The following SEPTIN7 variants were observed in gnomAD, a reference collection of about 807,000 sequenced individuals.
SEPTIN7 encodes the protein septin 7.
Under a neutral mutation model 63.3 loss-of-function variants are expected in SEPTIN7, and 10 were observed. The observed-to-expected ratio is 0.16, with a 90% CI of 0.10 to 0.27. The LOEUF (loss-of-function observed/expected upper bound fraction) is 0.27. SEPTIN7 is among the 10% of genes least tolerant of loss of function. SEPTIN7 has a pLI of 1.00. For missense variants in SEPTIN7, 310 were observed against 521.0 expected (o/e 0.59, Z 3.94); for synonymous variants, 131 against 165.3 (o/e 0.79, Z 1.59).
intron 4 of SEPTIN7, among the ~76,000 whole-genome samples, chr7:35,870,354 G>A (rs187898321): frequency 6.6e-6 from 1 of 152,082 alleles, no homozygotes; most frequent in South Asian, 2.1e-4. Context: ...TTGGTATACA[G>A]CATATTACTG....
At chr7:35,847,868 G>A (rs569835984) in intron 3 of SEPTIN7, 20 of 152,218 alleles carry the variant, frequency 1.3e-4, no homozygotes, top group African/African-American at 4.1e-4. Flanking sequence ...GAATCTATAG[G>A]TTATCTAATT....
chr7:35,855,900 A>G (rs953861431), intron 3 of SEPTIN7, among the ~76,000 whole-genome samples: 3 of 152,188 alleles, frequency 2.0e-5, no homozygotes, highest in Admixed American at 1.3e-4. Flanking sequence ...TGATTTATCC[A>G]TATCCAAAAG....
In SEPTIN7 at chr7:35,905,049, T is replaced by C. The variant is rs1788542191; in HGVS notation, c.*756T>C. 1 of 152,626 alleles carries C rather than the reference T, an allele frequency of 6.6e-6. No homozygotes were observed. The allele number at this position is 152,626 out of a possible 1,614,324, so 9.5% of individuals were successfully genotyped here. A position where few individuals can be genotyped will look rare whatever the true frequency, so the allele number is the denominator to read the frequency against. ...TAGGAACCAACAAGGAAACTTTCCTTTAACTCCCTTTTTACACTTTATGGT... is the reference window on the plus strand; with the variant it reads ...TAGGAACCAACAAGGAAACTTTCCTCTAACTCCCTTTTTACACTTTATGGT... On this transcript the variant is annotated 3_prime_UTR_variant, in exon 14 of 14. Coordinates refer to ENST00000350320, the MANE Select transcript of SEPTIN7 (RefSeq NM_001788.6).
At chr7:35,877,373 A>G (rs1459533186) in intron 6 of SEPTIN7, among the ~76,000 whole-genome samples, 1 of 152,180 alleles carries the variant, frequency 6.6e-6, no homozygotes, top group Non-Finnish European at 1.5e-5. Context: ...CTACTACAGT[A>G]AAGTATATAC....
chr7:35,837,839 C>T (rs1330861667), intron 3 of SEPTIN7, among the ~76,000 whole-genome samples: 2 of 152,138 alleles, frequency 1.3e-5, no homozygotes, highest in Non-Finnish European at 2.9e-5. Flanking sequence ...TCAGGCAGTT[C>T]TCCTGCTTCA....
intron 3 of SEPTIN7, among the ~76,000 whole-genome samples, chr7:35,843,880 G>A (rs544055707): frequency 6.6e-6 from 1 of 152,204 alleles, no homozygotes; most frequent in East Asian, 1.9e-4. Flanking sequence ...ATAAATACAA[G>A]GTAATTATGC....
Position 35,872,714 on chromosome 7 carries a change from C to T in SEPTIN7, c.325C>T (p.Leu109Phe). ...LIKEGGVQLL[L>F]TIVDTPGFGD... ...CAAAGAAGGTGGTGTTCAGTTGCTG[C>T]TCACAATAGTTGATACCCCAGGATT... Residue 109 changes from leucine to phenylalanine, a missense_variant, in exon 5 of 14, where the codon CTC becomes TTC. By Grantham distance (22) the Leu-to-Phe change is conservative (BLOSUM62 0). Transcript: ENST00000350320. 1 of 1,612,752 alleles carries T rather than the reference C, an allele frequency of 6.2e-7. No individual in the cohort carries two copies.
chr7:35,856,765 G>T (rs1452724862), intron 3 of SEPTIN7, among the ~76,000 whole-genome samples: 1 of 151,926 alleles, frequency 6.6e-6, no homozygotes, highest in African/African-American at 2.4e-5. Context: ...AGATGGTCTT[G>T]GTTACTTTCC....
chr7:35,908,863 G>A (rs2116422607), downstream of SEPTIN7, among the ~76,000 whole-genome samples: 1 of 152,314 alleles, frequency 6.6e-6, no homozygotes, highest in South Asian at 2.1e-4. Flanking sequence ...TTCTGGCAAA[G>A]GCATACAACT....
At chr7:35,880,218 C>CTTTTTTTTTT (rs1396218271) in intron 7 of SEPTIN7, among the ~76,000 whole-genome samples, 12 of 91,462 alleles carry the variant, frequency 1.3e-4, no homozygotes, top group South Asian at 6.7e-4. Flanking sequence ...CTTTTTTTTT[C>CTTTTTTTTTT]TTTTCTTTTT....
At chr7:35,882,354 C>T in intron 7 of SEPTIN7, 130 bp from the exon 8 acceptor site, 1 of 560,104 alleles carries the variant, frequency 1.8e-6, no homozygotes, top group South Asian at 6.7e-5. Context: ...TACAACTTTG[C>T]ATCATTAAAA....
intron 1 of SEPTIN7, among the ~76,000 whole-genome samples, chr7:35,804,643 A>G (rs1788205805): frequency 6.6e-6 from 1 of 152,192 alleles, no homozygotes; most frequent in Non-Finnish European, 1.5e-5. Flanking sequence ...TTTAAAAACT[A>G]CAGTTAGGCG....
intron 3 of SEPTIN7, among the ~76,000 whole-genome samples, chr7:35,833,420 TTGTG>T (rs1187593664): frequency 6.6e-6 from 1 of 152,014 alleles, no homozygotes; most frequent in Non-Finnish European, 1.5e-5. Context: ...GAGTTTTCTT[TTGTG>T]TGTTATTCCA....
chr7:35,845,531 GATTTAA>G (rs1784617596), intron 3 of SEPTIN7, among the ~76,000 whole-genome samples: 2 of 152,194 alleles, frequency 1.3e-5, no homozygotes, highest in Admixed American at 1.3e-4. Flanking sequence ...GTGAGAGTCA[GATTTAA>G]AAGATGGTTG....
intron 9 of SEPTIN7, among the ~76,000 whole-genome samples, chr7:35,885,020 G>C (rs757590385): frequency 6.9e-6 from 1 of 145,332 alleles, no homozygotes; most frequent in Non-Finnish European, 1.5e-5. Context: ...TTTGAACTTC[G>C]TTTTTTTTTT....
Position 35,863,623 on chromosome 7 carries a change from C to G in SEPTIN7, c.241C>G (p.Pro81Ala), listed in dbSNP as rs1277088816. ...CACAGATTTGTATTCTCCAGAGTAT[C>G]CAGGTCCTTCTCATAGAATTAAAAA... ...FLTDLYSPEYPGPSHRIKKTV... is the reference protein window; with the variant it reads ...FLTDLYSPEYAGPSHRIKKTV... The change falls in exon 4 of 14, where the codon CCA becomes GCA. Residue 81 changes from proline (P) to alanine (A), a missense_variant. This residue lies in a region of SEPTIN7 where 255 missense variants were observed against 490.5 expected (regional missense o/e 0.52). Coordinates refer to ENST00000350320, the MANE Select transcript of SEPTIN7 (RefSeq NM_001788.6). 1.3e-6 allele frequency: 2 copies of G among 1,581,946 alleles called. No homozygotes were observed. The highest frequency in any genetic ancestry group is 1.7e-6 in the Non-Finnish European group (2 of 1,167,936).
At chr7:35,898,495 A>G in intron 12 of SEPTIN7, 112 bp downstream of exon 12, 1 of 652,268 alleles carries the variant, frequency 1.5e-6, no homozygotes, top group East Asian at 2.8e-5. Flanking sequence ...TTTCAAAATT[A>G]ATACCCTAGT....
intron 7 of SEPTIN7, 131 bp from the exon 8 acceptor site, chr7:35,882,353 G>T: frequency 1.8e-6 from 1 of 546,446 alleles, no homozygotes; most frequent in East Asian, 4.8e-5. Flanking sequence ...TTACAACTTT[G>T]CATCATTAAA....
chr7:35,843,487 A>T (rs1005030709), intron 3 of SEPTIN7, among the ~76,000 whole-genome samples: 1 of 152,344 alleles, frequency 6.6e-6, no homozygotes. Flanking sequence ...AGGAAGAAAT[A>T]TGGAAAAGAT....
Sources: allele counts gnomAD v4.1 joint callset (sites outside exome capture counted in the v4.1 genomes callset), GRCh38; gene constraint gnomAD v4.1.1; regional missense constraint gnomAD v4.1.1; transcripts MANE v1.5; gene names NCBI Gene and HGNC (gene_info 2026-07-23, HGNC 2026-07-21).